ARHGAP6: variants seen among roughly 807,000 people sequenced by gnomAD.
ARHGAP6 encodes rho GTPase-activating protein 6.
In ARHGAP6, 16 loss-of-function variants were observed where a neutral mutation model predicts 55.7. The ratio of observed to expected loss-of-function variants is 0.29; its 90% CI spans 0.19 to 0.44. ARHGAP6 has a LOEUF of 0.44. Ranked by LOEUF, ARHGAP6 falls within the 20% of genes least tolerant of loss-of-function variation. The probability of loss-of-function intolerance (pLI) is 1.00; values close to 1 mark genes in which losing one functional copy is unlikely to be tolerated. For missense variants in ARHGAP6, 698 were observed against 808.9 expected (o/e 0.86, Z 1.66); for synonymous variants, 382 against 360.9 (o/e 1.06, Z -0.66).
At position 11,179,282 on chromosome X, in the gene ARHGAP6, C is replaced by T; in HGVS notation, c.1480+20G>A. 8.5e-7 allele frequency: 1 copy of T among 1,179,350 alleles called. No homozygotes were observed. The highest frequency in any genetic ancestry group is 1.1e-6 in the Non-Finnish European group (1 of 876,848). On this transcript the variant is annotated intron_variant, in intron 7 of 12. Coordinates refer to ENST00000337414, the MANE Select transcript of ARHGAP6 (RefSeq NM_013427.3). ...TTAGTATTCCAGGGCCACTTTCCCA[C>T]ATATGGCTGTATTACGCACAGAGAG... is the stretch of plus-strand genomic sequence containing the variant.
chrX:11,605,690 A>G (rs2052027893), intron 1 of ARHGAP6, among the ~76,000 whole-genome samples: 1 of 111,816 alleles, frequency 8.9e-6, no homozygotes. Flanking sequence ...GCTGAGAAAT[A>G]TAAGACTATT....
intron 1 of ARHGAP6, among the ~76,000 whole-genome samples, chrX:11,494,493 G>A (rs2050603285): frequency 8.9e-6 from 1 of 112,688 alleles, no homozygotes; most frequent in African/African-American, 3.2e-5. Context: ...AAGGATAAAT[G>A]TAAGTTTATT....
At chrX:11,243,854 G>A (rs2047318466) in intron 2 of ARHGAP6, among the ~76,000 whole-genome samples, 1 of 112,075 alleles carries the variant, frequency 8.9e-6, no homozygotes, top group African/African-American at 3.2e-5. Context: ...TTCAGTACAG[G>A]AACATGCTGT....
At chrX:11,182,638 T>TC (rs1346896475) in intron 5 of ARHGAP6, among the ~76,000 whole-genome samples, 30 of 101,515 alleles carry the variant, frequency 3.0e-4, no homozygotes, top group African/African-American at 1.0e-3. Flanking sequence ...CTTTTTTCTT[T>TC]TTTTTTTTTT....
At chrX:11,582,316 G>A (rs2051676011) in intron 1 of ARHGAP6, among the ~76,000 whole-genome samples, 1 of 111,306 alleles carries the variant, frequency 9.0e-6, no homozygotes, top group Non-Finnish European at 1.9e-5. Flanking sequence ...CAACACAGGG[G>A]CAACAGAAGA....
intron 3 of ARHGAP6, among the ~76,000 whole-genome samples, chrX:11,196,023 A>G (rs2046533740): frequency 9.7e-6 from 1 of 102,616 alleles, no homozygotes; most frequent in South Asian, 4.7e-4. Flanking sequence ...AGTCCCAGCT[A>G]CTCGGGAGGC....
intron 1 of ARHGAP6, among the ~76,000 whole-genome samples, chrX:11,493,835 CTTTTTT>C (rs35315280): frequency 2.3e-5 from 2 of 88,413 alleles, no homozygotes; most frequent in Non-Finnish European, 4.3e-5. Context: ...AACAGAATGC[CTTTTTT>C]TTTTTTTTTT....
chrX:11,380,901 C>T (rs2049255115), intron 1 of ARHGAP6, among the ~76,000 whole-genome samples: 1 of 112,235 alleles, frequency 8.9e-6, no homozygotes, highest in Non-Finnish European at 1.9e-5. Context: ...CAAATCACCC[C>T]CATTGAGAAC....
intron 1 of ARHGAP6, among the ~76,000 whole-genome samples, chrX:11,443,807 A>G (rs2050065320): frequency 8.9e-6 from 1 of 111,955 alleles, no homozygotes. Context: ...AGGCACCTGC[A>G]GTCTCAGCTA....
At position 11,137,630 on chromosome X, in the gene ARHGAP6, G is replaced by A. The variant is rs1387273744; in HGVS notation, c.*1233C>T. The A allele has an allele frequency of 1.9e-5, 2 of 104,076 alleles. No homozygotes were observed. Among genetic ancestry groups the A allele is most frequent in the African/African-American group, 3.5e-5 (1 of 28,384 alleles). The allele number at this position is 104,076 out of a possible 1,213,427, so 8.6% of individuals were successfully genotyped here. On this transcript the variant is annotated 3_prime_UTR_variant, in exon 13 of 13. Coordinates refer to ENST00000337414, the MANE Select transcript of ARHGAP6 (RefSeq NM_013427.3). Reference sequence around the variant, plus strand: ...TTCATCACCAACATGAAAATTAAGAGTAGCATGTTTTATAAAAAAAAAAAA... The same window carrying A: ...TTCATCACCAACATGAAAATTAAGAATAGCATGTTTTATAAAAAAAAAAAA...
intron 1 of ARHGAP6, among the ~76,000 whole-genome samples, chrX:11,612,262 T>C (rs1055561878): frequency 2.7e-5 from 3 of 112,118 alleles, no homozygotes. Context: ...TGTTAAATAC[T>C]GTACACCCAA....
intron 1 of ARHGAP6, among the ~76,000 whole-genome samples, chrX:11,451,200 T>G (rs2050140723): frequency 8.9e-6 from 1 of 112,175 alleles, no homozygotes; most frequent in East Asian, 2.8e-4. Context: ...AGGAATAAAA[T>G]GCAGCTGTTA....
intron 1 of ARHGAP6, among the ~76,000 whole-genome samples, chrX:11,479,831 G>A (rs759190943): frequency 1.3e-4 from 14 of 111,090 alleles, no homozygotes; most frequent in East Asian, 2.8e-4. Flanking sequence ...ACTGGGGGTC[G>A]GGGGTATACC....
At chrX:11,404,376 A>C (rs2147756203) in intron 1 of ARHGAP6, among the ~76,000 whole-genome samples, 1 of 112,285 alleles carries the variant, frequency 8.9e-6, no homozygotes, top group Non-Finnish European at 1.9e-5. Context: ...GAGAATCATT[A>C]ATAATGAAGT....
At chrX:11,442,458 G>A (rs1434749475) in intron 1 of ARHGAP6, among the ~76,000 whole-genome samples, 1 of 111,605 alleles carries the variant, frequency 9.0e-6, no homozygotes, top group Admixed American at 9.5e-5. Context: ...CAAAATTCAG[G>A]AGCACAACTG....
At chrX:11,578,718 G>T (rs1053960954) in intron 1 of ARHGAP6, among the ~76,000 whole-genome samples, 2 of 111,404 alleles carry the variant, frequency 1.8e-5, no homozygotes, top group African/African-American at 6.5e-5. Context: ...CTACTATAAA[G>T]ACATTTGCAC....
intron 1 of ARHGAP6, among the ~76,000 whole-genome samples, chrX:11,652,685 A>T (rs896920734): frequency 5.4e-5 from 6 of 111,782 alleles, no homozygotes; most frequent in Non-Finnish European, 1.1e-4. Flanking sequence ...CTGTAACATG[A>T]TGAAAGTTTC....
In ARHGAP6 at chrX:11,366,737, C is replaced by T. The variant is rs149815336; in HGVS notation, c.589-112030G>A. On this transcript the variant is annotated intron_variant, in intron 1 of 12. Coordinates refer to ENST00000337414, the MANE Select transcript of ARHGAP6 (RefSeq NM_013427.3). ...TGCATGGGGTGGTGTTCAGTTTTCACAAGGGCTAAGATGTTTTTCCCCTTT... is the reference window on the plus strand; with the variant it reads ...TGCATGGGGTGGTGTTCAGTTTTCATAAGGGCTAAGATGTTTTTCCCCTTT... 5.4e-3 allele frequency among the ~76,000 whole-genome samples: 606 copies of T among 111,969 alleles called. 2 individuals carry two copies. The highest frequency in any genetic ancestry group is 0.016 in the African/African-American group (484 of 30,853).
rs112779032 is a variant in ARHGAP6 at position 11,216,200 on chromosome X, TA to T, written c.749-19205del. Among the ~76,000 whole-genome samples the T allele has an allele frequency of 7.5e-3, 723 of 96,042 alleles. 2 individuals carry two copies. Among genetic ancestry groups the T allele is most frequent in the Middle Eastern group, 0.021 (4 of 189 alleles). The allele number at this position is 96,042 out of a possible 115,157, so 83.4% of individuals were successfully genotyped here. A position where few individuals can be genotyped will look rare whatever the true frequency, so the allele number is the denominator to read the frequency against. The stretch of plus-strand genomic sequence containing the variant: ...AATGTCCACAACAGCGTCTTCCTCT[TA>T]AAAAAAAAAAAAAGGTGTGTCTTTT... On this transcript the variant is annotated intron_variant, in intron 2 of 12. Coordinates refer to ENST00000337414, the MANE Select transcript of ARHGAP6 (RefSeq NM_013427.3).
Sources: gnomAD v4.1 joint callset for allele counts (sites outside exome capture counted in the v4.1 genomes callset) on GRCh38, gnomAD v4.1.1 for gene constraint, MANE v1.5 for transcripts, NCBI Gene and HGNC (gene_info 2026-07-23, HGNC 2026-07-21) for gene names.